The following ADAMTS20 variants were observed in gnomAD, a reference collection of about 807,000 sequenced individuals.
The protein encoded by ADAMTS20 is ADAM metallopeptidase with thrombospondin type 1 motif 20.
ADAMTS20 carries 225 observed loss-of-function variants against 260.1 expected under a neutral mutation model. The ratio of observed to expected loss-of-function variants is 0.87; its 90% CI spans 0.78 to 0.97. The LOEUF is 0.97. Among genes scored for constraint, ADAMTS20 ranks in the 50% least tolerant of loss-of-function variants. The pLI is 0.00. For missense variants in ADAMTS20, 2,400 were observed against 2,337.7 expected (o/e 1.03, Z -0.55); for synonymous variants, 802 against 769.5 (o/e 1.04, Z -0.70).
rs760166506 is a variant in ADAMTS20 at position 43,446,590 on chromosome 12, C to T, written c.2197+5G>A. ...GCGAAATCTAGAAACAAATACACAA[C>T]TTACCATAATGAGAACTGTTGAAGA... On this transcript the variant is annotated splice_donor_5th_base_variant and intron_variant, in intron 15 of 38. Coordinates refer to ENST00000389420, the MANE Select transcript of ADAMTS20 (RefSeq NM_025003.5). The T allele has an allele frequency of 6.2e-7, 1 of 1,607,882 alleles. No individual in the cohort carries two copies. Among genetic ancestry groups the T allele is most frequent in the South Asian group, 1.1e-5 (1 of 90,878 alleles).
At chr12:43,484,607 A>G (rs1338400909) in intron 7 of ADAMTS20, among the ~76,000 whole-genome samples, 3 of 152,188 alleles carry the variant, frequency 2.0e-5, no homozygotes, top group African/African-American at 7.2e-5. Context: ...GCTCAAAGAC[A>G]AGACTTTCAA....
At chr12:43,434,143 G>T in intron 19 of ADAMTS20, 102 bp downstream of exon 19, 3 of 1,221,840 alleles carry the variant, frequency 2.5e-6, no homozygotes, top group Non-Finnish European at 3.3e-6. Flanking sequence ...GGCAGATGAT[G>T]AGTAATAATT....
intron 36 of ADAMTS20, among the ~76,000 whole-genome samples, chr12:43,372,648 A>T (rs1436043800): frequency 6.6e-6 from 1 of 152,220 alleles, no homozygotes; most frequent in Non-Finnish European, 1.5e-5. Context: ...ATGATTCAGC[A>T]GCAGAATTGA....
chr12:43,403,845 G>A (rs1279727967), intron 28 of ADAMTS20, among the ~76,000 whole-genome samples: 2 of 152,016 alleles, frequency 1.3e-5, no homozygotes, highest in Non-Finnish European at 2.9e-5. Flanking sequence ...GAGAGTCGAC[G>A]TATGAATGTT....
At position 43,388,295 on chromosome 12, in the gene ADAMTS20, C is replaced by T. The variant is rs1587568; in HGVS notation, c.4453-4318G>A. ...GCCAGTGGAAGGAGTTTCCTGACCC[C>T]TTGTGCTTCCCAGGTGAGGCAACAT... On this transcript the variant is annotated intron_variant, in intron 29 of 38. Transcript: ENST00000389420. Among the ~76,000 whole-genome samples the T allele has an allele frequency of 4.4e-3, 677 of 152,292 alleles. 19 individuals carry two copies. Among genetic ancestry groups the T allele is most frequent in the Admixed American group, 0.041 (625 of 15,304 alleles).
At chr12:43,472,838 G>A (rs1426748365) in intron 7 of ADAMTS20, among the ~76,000 whole-genome samples, 17 of 149,974 alleles carry the variant, frequency 1.1e-4, no homozygotes, top group African/African-American at 2.9e-4. Context: ...TGAAGGAAGC[G>A]CTAAACATGG....
intron 2 of ADAMTS20, among the ~76,000 whole-genome samples, chr12:43,534,267 A>C (rs1244596064): frequency 6.6e-6 from 1 of 150,578 alleles, no homozygotes. Flanking sequence ...CAATGAACTC[A>C]AACAAATTTA....
At chr12:43,454,882 G>A (rs1044125285) in intron 11 of ADAMTS20, among the ~76,000 whole-genome samples, 11 of 152,164 alleles carry the variant, frequency 7.2e-5, no homozygotes, top group Non-Finnish European at 1.3e-4. Context: ...ATTGGCTTAT[G>A]TTTATTTTTA....
intron 7 of ADAMTS20, among the ~76,000 whole-genome samples, chr12:43,482,187 A>C (rs888245040): frequency 2.6e-5 from 4 of 152,202 alleles, no homozygotes; most frequent in Non-Finnish European, 5.9e-5. Context: ...TAATTCAGGC[A>C]GTGGTCACAG....
intron 7 of ADAMTS20, among the ~76,000 whole-genome samples, chr12:43,478,842 G>T (rs543795136): frequency 1.3e-5 from 2 of 152,172 alleles, no homozygotes; most frequent in African/African-American, 4.8e-5. Flanking sequence ...GTAAATTACT[G>T]AATTAGAAAG....
intron 15 of ADAMTS20, among the ~76,000 whole-genome samples, chr12:43,444,692 T>A (rs1941729027): frequency 6.6e-6 from 1 of 152,198 alleles, no homozygotes; most frequent in African/African-American, 2.4e-5. Flanking sequence ...TTAGTTATAC[T>A]CTAAGGATAT....
In ADAMTS20 at chr12:43,453,921, G is replaced by A. The variant is rs1209536039; in HGVS notation, c.1746C>T (p.Arg582=). The change falls in exon 12 of 39, where the codon CGC becomes CGT. Residue 582 remains arginine, a synonymous_variant. Transcript: ENST00000389420. ...AAAAGACATACTCAGGACGATTACA[G>A]CGCCTGGTTGCACTTTCGATTCCGC... ...CGGGIESATR[R]CNRPEPRNGG... 4 of 1,605,524 alleles carry A rather than the reference G, an allele frequency of 2.5e-6. No individual in the cohort carries two copies. Among genetic ancestry groups the A allele is most frequent in the Admixed American group, 1.7e-5 (1 of 58,736 alleles).
At chr12:43,483,595 G>A (rs1181221840) in intron 7 of ADAMTS20, among the ~76,000 whole-genome samples, 1 of 152,184 alleles carries the variant, frequency 6.6e-6, no homozygotes, top group African/African-American at 2.4e-5. Flanking sequence ...TGGAACATCA[G>A]CATTCCTAAA....
intron 7 of ADAMTS20, among the ~76,000 whole-genome samples, chr12:43,470,599 C>T (rs1175307314): frequency 6.6e-6 from 1 of 152,108 alleles, no homozygotes; most frequent in Non-Finnish European, 1.5e-5. Context: ...CAGCATGGGC[C>T]CAAGCTTGAT....
Position 43,551,985 on chromosome 12 carries a change from C to A in ADAMTS20, c.-64G>T, listed in dbSNP as rs145510487. On this transcript the variant is annotated 5_prime_UTR_variant, in exon 1 of 39. Coordinates refer to ENST00000389420, the MANE Select transcript of ADAMTS20 (RefSeq NM_025003.5). The surrounding 1 kb of genome is among the most constrained non-coding windows in gnomAD (Gnocchi z 4.6). ...GAGCCGCCGGCAGCCAAGCCGGCTTCCCTCGCGCTCCGATCCCTCTCCTCC... is the reference window on the plus strand; with the variant it reads ...GAGCCGCCGGCAGCCAAGCCGGCTTACCTCGCGCTCCGATCCCTCTCCTCC... The A allele has an allele frequency of 2.1e-3, 2,880 of 1,398,884 alleles. 54 individuals are homozygous for A. The African/African-American group carries it at 0.036, about 17-fold the overall frequency. The allele number at this position is 1,398,884 out of a possible 1,614,324, so 86.7% of individuals were successfully genotyped here.
intron 24 of ADAMTS20, among the ~76,000 whole-genome samples, 175 bp downstream of exon 24, chr12:43,429,438 AGCTC>A (rs1941396872): frequency 1.3e-5 from 2 of 152,208 alleles, no homozygotes; most frequent in Admixed American, 6.5e-5. Flanking sequence ...AGAGACACAG[AGCTC>A]TTGAAAGGCA....
At chr12:43,448,183 A>T (rs971169633) in intron 14 of ADAMTS20, among the ~76,000 whole-genome samples, 1 of 152,122 alleles carries the variant, frequency 6.6e-6, no homozygotes, top group African/African-American at 2.4e-5. Context: ...GAATAGCCAA[A>T]GAAATCCTAA....
intron 19 of ADAMTS20, 98 bp from the exon 20 acceptor site, chr12:43,432,909 T>C (rs1941477725): frequency 3.6e-6 from 4 of 1,124,316 alleles, no homozygotes; most frequent in African/African-American, 1.6e-5. Context: ...TCCTAAAAGT[T>C]GATAGACAAA....
chr12:43,383,961 C>A lies in ADAMTS20; in HGVS notation c.4469G>T (p.Gly1490Val), dbSNP rs1328985788. The change falls in exon 30 of 39, where the codon GGC becomes GTC. Residue 1490 changes from glycine to valine, a missense_variant. Gly to Val is a moderately radical substitution (Grantham distance 109, BLOSUM62 -3). Transcript: ENST00000389420. ...TACATCCCTCTGCTGAACTCCAGAG[C>A]CACAGGTCACAGAGCACTACAAAGG... ...NSWNECSVTC[G>V]SGVQQRDVYC... The A allele has an allele frequency of 1.6e-5, 26 of 1,613,504 alleles. No homozygotes were observed. In the Admixed American group the frequency reaches 3.3e-4, roughly 21 times the overall value.
Sources: allele counts gnomAD v4.1 joint callset (sites outside exome capture counted in the v4.1 genomes callset), GRCh38; gene constraint gnomAD v4.1.1; non-coding constraint Gnocchi (gnomAD v3.1); transcripts MANE v1.5; gene names NCBI Gene and HGNC (gene_info 2026-07-23, HGNC 2026-07-21).